Variants in EYS observed in about 807,000 individuals in gnomAD.
EYS encodes EGF-like photoreceptor maintenance factor, also known as protein eyes shut homolog.
In EYS, 250 loss-of-function variants were observed where a neutral mutation model predicts 282.1. That is an observed-to-expected ratio of 0.89 (90% CI 0.80 to 0.98). The LOEUF is 0.98. Among genes scored for constraint, EYS ranks in the 50% least tolerant of loss-of-function variants. The probability of loss-of-function intolerance (pLI) is 0.00; values close to 1 mark genes in which losing one functional copy is unlikely to be tolerated. For synonymous variants in EYS, 1,355 were observed against 1,282.9 expected (o/e 1.06, Z -1.20); for missense variants, 4,016 against 3,709.0 (o/e 1.08, Z -2.15).
chr6:64,350,623 T>C (rs74885386), intron 29 of EYS, among the ~76,000 whole-genome samples: 4,214 of 151,650 alleles, frequency 0.028, 79 homozygotes, highest in Non-Finnish European at 0.043. Flanking sequence ...GACAAGGAAA[T>C]AGTTGAAAGG....
intron 22 of EYS, among the ~76,000 whole-genome samples, chr6:64,811,051 ATTAACCC>A (rs1417240746): frequency 6.6e-6 from 1 of 152,060 alleles, no homozygotes; most frequent in Non-Finnish European, 1.5e-5. Flanking sequence ...CATACTATGG[ATTAACCC>A]TTAACCCATG....
chr6:65,466,776 C>A (rs1369072232), intron 5 of EYS, among the ~76,000 whole-genome samples: 1 of 152,074 alleles, frequency 6.6e-6, no homozygotes, highest in African/African-American at 2.4e-5. Flanking sequence ...TGTGAGGAGG[C>A]CACCATCCAG....
At chr6:64,776,102 C>T (rs1495542) in intron 22 of EYS, among the ~76,000 whole-genome samples, 42,702 of 151,898 alleles carry the variant, frequency 0.28, 7,278 homozygotes, top group African/African-American at 0.47. Flanking sequence ...TCAAATATCA[C>T]ACAAATCACT....
intron 10 of EYS, among the ~76,000 whole-genome samples, chr6:65,339,650 G>T (rs1770124751): frequency 6.6e-6 from 1 of 151,130 alleles, no homozygotes; most frequent in African/African-American, 2.4e-5. Flanking sequence ...AGGGAAGACT[G>T]TTATACTTGA....
At chr6:65,171,367 T>A (rs549714956) in intron 12 of EYS, among the ~76,000 whole-genome samples, 5 of 151,670 alleles carry the variant, frequency 3.3e-5, no homozygotes, top group Admixed American at 2.0e-4. Context: ...AAGACAATGA[T>A]TCTTGTATTA....
intron 13 of EYS, among the ~76,000 whole-genome samples, chr6:65,034,993 A>G (rs749820135): frequency 2.6e-5 from 4 of 152,164 alleles, no homozygotes; most frequent in Non-Finnish European, 4.4e-5. Context: ...ATTTAGTACC[A>G]CATCAAAGAG....
intron 12 of EYS, among the ~76,000 whole-genome samples, chr6:65,285,864 A>G (rs901381568): frequency 6.6e-6 from 1 of 151,824 alleles, no homozygotes; most frequent in Non-Finnish European, 1.5e-5. Flanking sequence ...TCAGGAGAAA[A>G]AGTTCCCCAG....
At chr6:63,760,855 T>C (rs564331729) in intron 41 of EYS, among the ~76,000 whole-genome samples, 1 of 152,040 alleles carries the variant, frequency 6.6e-6, no homozygotes, top group East Asian at 1.9e-4. Flanking sequence ...GCTTGCCCTA[T>C]TGTTAAATTC....
At chr6:64,465,816 A>G (rs1444916860) in intron 26 of EYS, among the ~76,000 whole-genome samples, 4 of 152,084 alleles carry the variant, frequency 2.6e-5, no homozygotes, top group Non-Finnish European at 5.9e-5. Context: ...TGAAGAAACA[A>G]CCTGCAGAAT....
intron 22 of EYS, among the ~76,000 whole-genome samples, chr6:64,777,055 G>A (rs1486787962): frequency 1.3e-5 from 2 of 152,150 alleles, no homozygotes; most frequent in Admixed American, 6.5e-5. Flanking sequence ...CCCAGTGAAG[G>A]GGAAAGCCCC....
intron 16 of EYS, among the ~76,000 whole-genome samples, chr6:64,907,724 GGGGTC>G (rs1429769213): frequency 7.6e-4 from 116 of 152,184 alleles, no homozygotes; most frequent in African/African-American, 2.7e-3. Context: ...CTCTAAAGAA[GGGGTC>G]TGAATGCCAA....
intron 26 of EYS, among the ~76,000 whole-genome samples, chr6:64,465,580 C>T (rs1223322742): frequency 3.9e-5 from 6 of 152,010 alleles, no homozygotes; most frequent in Non-Finnish European, 5.9e-5. Flanking sequence ...TTACATCACA[C>T]CATGTAATTA....
intron 5 of EYS, among the ~76,000 whole-genome samples, chr6:65,419,898 C>T (rs1462475855): frequency 1.3e-5 from 2 of 151,888 alleles, no homozygotes; most frequent in Non-Finnish European, 2.9e-5. Context: ...GTTATGTTTA[C>T]ACTATATTAT....
At chr6:64,044,890 TA>T (rs1196432307) in intron 33 of EYS, among the ~76,000 whole-genome samples, 4 of 152,186 alleles carry the variant, frequency 2.6e-5, no homozygotes, top group African/African-American at 9.7e-5. Context: ...ATGACAAATA[TA>T]ACTCCTGAAA....
At chr6:65,651,167 A>G (rs1363847725) in intron 1 of EYS, among the ~76,000 whole-genome samples, 1 of 152,104 alleles carries the variant, frequency 6.6e-6, no homozygotes, top group Non-Finnish European at 1.5e-5. Flanking sequence ...AAATTGTACT[A>G]GAGAAAGCTA....
At chr6:63,865,116 T>G (rs1772640578) in intron 35 of EYS, among the ~76,000 whole-genome samples, 2 of 152,100 alleles carry the variant, frequency 1.3e-5, no homozygotes, top group African/African-American at 4.8e-5. Context: ...TCGGTGCCAA[T>G]CATAGTGTAT....
intron 35 of EYS, among the ~76,000 whole-genome samples, chr6:63,973,802 T>G (rs945961144): frequency 2.0e-5 from 3 of 152,158 alleles, no homozygotes; most frequent in Non-Finnish European, 2.9e-5. Context: ...TGTTTTCTCA[T>G]GTAGTTTATA....
At chr6:64,855,080 G>C (rs1766012409) in intron 19 of EYS, among the ~76,000 whole-genome samples, 1 of 151,814 alleles carries the variant, frequency 6.6e-6, no homozygotes. Flanking sequence ...TTCTCTGTCT[G>C]CCTTCAAGAT....
chr6:64,308,925 T>C (rs1402226028), intron 29 of EYS, among the ~76,000 whole-genome samples: 3 of 152,152 alleles, frequency 2.0e-5, no homozygotes, highest in Admixed American at 2.0e-4. Context: ...AAAGTACTGA[T>C]TTGTCATTGT....
Sources: allele counts gnomAD v4.1 joint callset (sites outside exome capture counted in the v4.1 genomes callset), GRCh38; gene constraint gnomAD v4.1.1; transcripts MANE v1.5; gene names NCBI Gene and HGNC (gene_info 2026-07-23, HGNC 2026-07-21).